SORBS2: variants seen among roughly 807,000 people sequenced by gnomAD.
The protein encoded by SORBS2 is sorbin and SH3 domain containing 2, also known as sorbin and SH3 domain-containing protein 2.
Under a neutral mutation model 97.7 loss-of-function variants are expected in SORBS2, and 46 were observed. That is an observed-to-expected ratio of 0.47 (90% confidence interval 0.37 to 0.60). SORBS2 has a LOEUF of 0.60. Ranked by LOEUF, SORBS2 falls within the 20% of genes least tolerant of loss-of-function variation. The pLI, the probability that SORBS2 is intolerant of heterozygous loss-of-function variation, is 0.00. For synonymous variants in SORBS2, 476 were observed against 473.4 expected, an observed-to-expected ratio of 1.01 and a Z score of -0.07; for missense variants, 1,316 against 1,282.3, an observed-to-expected ratio of 1.03 and a Z score of -0.40.
At chr4:185,924,032 T>C (rs750333042) in intron 1 of SORBS2, among the ~76,000 whole-genome samples, 1 of 152,224 alleles carries the variant, frequency 6.6e-6, no homozygotes, top group Non-Finnish European at 1.5e-5. Flanking sequence ...TTTTGCTCTT[T>C]ATCTCCAGGT....
At chr4:185,876,923 T>C (rs552229928) in intron 1 of SORBS2, among the ~76,000 whole-genome samples, 15 of 152,266 alleles carry the variant, frequency 9.9e-5, no homozygotes, top group Admixed American at 9.2e-4. Context: ...AATCAGAAAA[T>C]GTGTTGATAA....
chr4:185,656,370 A>C (rs1162214935), intron 1 of SORBS2, among the ~76,000 whole-genome samples: 1 of 152,096 alleles, frequency 6.6e-6, no homozygotes, highest in Non-Finnish European at 1.5e-5. Flanking sequence ...AAGAATGTAA[A>C]GTCAAGGAGA....
chr4:185,589,795 G>C lies in SORBS2; in HGVS notation c.2847-10C>G. 1.4e-6 allele frequency: 2 copies of C among 1,463,716 alleles called. No homozygotes were observed. The highest frequency in any genetic ancestry group is 1.9e-6 in the Non-Finnish European group (2 of 1,043,622). The allele number at this position is 1,463,716 out of a possible 1,614,324, so 90.7% of individuals were successfully genotyped here. ...ATACAGAGCCTGAAACCTTAAACAG[G>C]ACAAGGGAATGTGTTTAAAAACATC... is the stretch of plus-strand genomic sequence containing the variant. On this transcript the variant is annotated splice_polypyrimidine_tract_variant and intron_variant, in intron 13 of 14. Transcript: ENST00000418609.
rs1226963922 is a variant in SORBS2 at position 185,692,958 on chromosome 4, A to G, written c.-197-14136T>C. 9.2e-5 allele frequency among the ~76,000 whole-genome samples: 14 copies of G among 152,330 alleles called. No homozygotes were observed. The East Asian group carries it at 2.5e-3, about 27-fold the overall frequency. On this transcript the variant is annotated intron_variant, in intron 2 of 20. Coordinates refer to the SORBS2 transcript ENST00000284776. ...TTTAGAGCTCTACGCTGAAAACAAT[A>G]TAGACGATATCCTTACTATATGGTG...
chr4:185,767,856 T>G (rs1352189558), intron 2 of SORBS2, among the ~76,000 whole-genome samples: 2 of 152,186 alleles, frequency 1.3e-5, no homozygotes, highest in African/African-American at 4.8e-5. Flanking sequence ...TGGTGAGACT[T>G]TTGTTCTCAA....
At chr4:185,615,958 T>C (rs1291824312) in intron 9 of SORBS2, among the ~76,000 whole-genome samples, 1 of 152,256 alleles carries the variant, frequency 6.6e-6, no homozygotes, top group African/African-American at 2.4e-5. Context: ...AATTCACACC[T>C]AAACTTATCA....
intron 1 of SORBS2, among the ~76,000 whole-genome samples, chr4:185,847,246 C>G (rs2099215060): frequency 6.6e-6 from 1 of 152,140 alleles, no homozygotes; most frequent in Non-Finnish European, 1.5e-5. Flanking sequence ...ACAATCTGTT[C>G]TAAGATAAGA....
intron 2 of SORBS2, among the ~76,000 whole-genome samples, chr4:185,741,251 G>A (rs1229384307): frequency 1.3e-5 from 2 of 151,688 alleles, no homozygotes; most frequent in African/African-American, 4.8e-5. Context: ...AAGGGCAAGA[G>A]GACTCAAGTA....
At chr4:185,605,647 C>T (rs540151629) in intron 12 of SORBS2, among the ~76,000 whole-genome samples, 9 of 151,814 alleles carry the variant, frequency 5.9e-5, no homozygotes, top group African/African-American at 1.9e-4. Context: ...TGCACTGGCA[C>T]GATCTCAGCT....
intron 6 of SORBS2, 106 bp downstream of exon 18, chr4:185,626,726 T>C: frequency 2.9e-6 from 3 of 1,025,220 alleles, no homozygotes; most frequent in Non-Finnish European, 4.6e-6. Flanking sequence ...CCAGACACTG[T>C]AGGTGAGAGC....
intron 4 of SORBS2, 125 bp downstream of exon 14, chr4:185,638,752 A>G: frequency 6.9e-6 from 6 of 875,046 alleles, no homozygotes; most frequent in Non-Finnish European, 9.8e-6. Flanking sequence ...GGATGAGAAG[A>G]TTCTGGGGCC....
At chr4:185,635,379 A>T in intron 4 of SORBS2, 1 of 1,613,892 alleles carries the variant, frequency 6.2e-7, no homozygotes, top group Non-Finnish European at 8.5e-7. Flanking sequence ...CAGAAGAATG[A>T]TCTTGAACAT....
chr4:185,905,352 T>C (rs1162160005), intron 1 of SORBS2, among the ~76,000 whole-genome samples: 2 of 152,220 alleles, frequency 1.3e-5, no homozygotes, highest in Non-Finnish European at 1.5e-5. Context: ...TATGGAAAAC[T>C]ACTTAAATAT....
chr4:185,863,888 T>C (rs2149717965), intron 1 of SORBS2, among the ~76,000 whole-genome samples: 1 of 152,340 alleles, frequency 6.6e-6, no homozygotes, highest in East Asian at 1.9e-4. Flanking sequence ...AAGGGCTATA[T>C]TTAACAATAT....
intron 4 of SORBS2, among the ~76,000 whole-genome samples, chr4:185,674,725 G>A (rs2097768243): frequency 6.6e-6 from 1 of 151,870 alleles, no homozygotes; most frequent in Non-Finnish European, 1.5e-5. Context: ...GCTTCCTTCT[G>A]GTCCTCCCAC....
intron 1 of SORBS2, among the ~76,000 whole-genome samples, chr4:185,810,218 T>C (rs990073003): frequency 1.3e-5 from 2 of 152,256 alleles, no homozygotes; most frequent in African/African-American, 4.8e-5. Flanking sequence ...TTAGTCTCTA[T>C]CTTTATATTT....
intron 1 of SORBS2, among the ~76,000 whole-genome samples, chr4:185,833,734 A>T (rs955448493): frequency 6.6e-6 from 1 of 152,218 alleles, no homozygotes; most frequent in Non-Finnish European, 1.5e-5. Flanking sequence ...TTTAATGTTT[A>T]GTTTTCAATT....
intron 2 of SORBS2, among the ~76,000 whole-genome samples, chr4:185,743,896 TCTTCTC>T (rs958460937): frequency 1.4e-5 from 2 of 146,744 alleles, no homozygotes; most frequent in African/African-American, 5.1e-5. Context: ...TCCTCCTTCT[TCTTCTC>T]CTTCTCCTTC....
chr4:185,719,747 A>G (rs1033434823), intron 2 of SORBS2, among the ~76,000 whole-genome samples: 1 of 152,248 alleles, frequency 6.6e-6, no homozygotes, highest in African/African-American at 2.4e-5. Context: ...AAGCCCTAGC[A>G]TAATGCAATA....
Sources: allele counts gnomAD v4.1 joint callset (sites outside exome capture counted in the v4.1 genomes callset), GRCh38; gene constraint gnomAD v4.1.1; transcripts MANE v1.5; gene names NCBI Gene and HGNC (gene_info 2026-07-23, HGNC 2026-07-21).